MTSS2: variants seen among roughly 807,000 people sequenced by gnomAD.
MTSS2 encodes protein MTSS 2.
A neutral mutation model predicts 67.1 loss-of-function variants in MTSS2; 27 were observed. The observed-to-expected ratio is 0.40, with a 90% CI of 0.30 to 0.55. MTSS2 has a LOEUF of 0.55. MTSS2 is among the 20% of genes least tolerant of loss of function. The probability of loss-of-function intolerance (pLI) is 0.43; values close to 1 mark genes in which losing one functional copy is unlikely to be tolerated. For synonymous variants in MTSS2, 624 were observed against 468.6 expected (o/e 1.33, Z -4.28); for missense variants, 1,171 against 1,067.8 (o/e 1.10, Z -1.35).
intron 11 of MTSS2, among the ~76,000 whole-genome samples, chr16:70,669,398 G>C (rs1004825916): frequency 6.6e-6 from 1 of 152,212 alleles, no homozygotes; most frequent in South Asian, 2.1e-4. Context: ...GGTATGAAAA[G>C]GTAGCTGGGT....
chr16:70,680,895 G>C (rs753107288), intron 2 of MTSS2, 28 bp from the exon 3 acceptor site: 1 of 1,548,866 alleles, frequency 6.5e-7, no homozygotes, highest in African/African-American at 1.4e-5. Flanking sequence ...GGCATGGATG[G>C]TCGGTGGTTG....
At position 70,665,108 on chromosome 16, in the gene MTSS2, G is replaced by A; in HGVS notation, c.1129-12C>T. The A allele has an allele frequency of 1.3e-6, 2 of 1,585,836 alleles. No homozygotes were observed. The highest frequency in any genetic ancestry group is 1.7e-6 in the Non-Finnish European group (2 of 1,173,112). Reference sequence around the variant, plus strand: ...ACCTTGGACCAGTCCTGCAGGGAGGGTGTGGCAGGTCAGGGGGACCACTGG... The same window carrying A: ...ACCTTGGACCAGTCCTGCAGGGAGGATGTGGCAGGTCAGGGGGACCACTGG... On this transcript the variant is annotated splice_polypyrimidine_tract_variant and intron_variant, in intron 12 of 14. Coordinates refer to ENST00000338779, the MANE Select transcript of MTSS2 (RefSeq NM_138383.3).
intron 8 of MTSS2, 43 bp from the exon 9 acceptor site, chr16:70,677,942 C>A: frequency 7.0e-7 from 1 of 1,420,984 alleles, no homozygotes. Context: ...TATCGCCCAC[C>A]TGCCCGCCTG....
At chr16:70,667,411 C>T (rs1046028801) in intron 11 of MTSS2, among the ~76,000 whole-genome samples, 8 of 151,168 alleles carry the variant, frequency 5.3e-5, no homozygotes, top group African/African-American at 9.7e-5. Flanking sequence ...GAACAAAATC[C>T]GAAAAAGATC....
intron 11 of MTSS2, among the ~76,000 whole-genome samples, chr16:70,671,207 G>T (rs959297252): frequency 6.6e-6 from 1 of 151,846 alleles, no homozygotes; most frequent in Non-Finnish European, 1.5e-5. Flanking sequence ...TTGAGATTAG[G>T]AGTGATCCAA....
chr16:70,663,431 CGAA>C lies in MTSS2; in HGVS notation c.*243_*245del. On this transcript the variant is annotated 3_prime_UTR_variant, in exon 15 of 15. Transcript: ENST00000338779. ...GCCCCAGAGGAGGAAGAGGAGGGAC[CGAA>C]GAGCATAAAACAGACCCCGAACCAG... The C allele has an allele frequency of 1.6e-6, 1 of 609,696 alleles. No homozygotes were observed. Among genetic ancestry groups the C allele is most frequent in the Middle Eastern group, 4.5e-4 (1 of 2,220 alleles). 37.8% of individuals were successfully genotyped at this position (609,696 alleles called of 1,614,324 possible). A position where few individuals can be genotyped will look rare whatever the true frequency, so the allele number is the denominator to read the frequency against.
intron 1 of MTSS2, among the ~76,000 whole-genome samples, chr16:70,681,978 G>C (rs1242581077): frequency 1.3e-5 from 2 of 152,196 alleles, no homozygotes; most frequent in Admixed American, 6.5e-5. Context: ...AGGATGGGGC[G>C]ATGGAGGCTG....
chr16:70,665,165 T>G, intron 12 of MTSS2, 69 bp from the exon 13 acceptor site: 1 of 1,503,192 alleles, frequency 6.7e-7, no homozygotes, highest in East Asian at 2.3e-5. Flanking sequence ...GGCCCGTCAC[T>G]GTGGCTGAGG....
chr16:70,680,917 G>C (rs749131639), intron 2 of MTSS2, 47 bp downstream of exon 2: 2 of 1,168,108 alleles, frequency 1.7e-6, no homozygotes, highest in East Asian at 5.3e-5. Flanking sequence ...GCGGGGGGGG[G>C]GCCTCTGCCT....
In MTSS2 at chr16:70,663,188, G is replaced by A. The variant is rs906497003; in HGVS notation, c.*489C>T. 10 of 159,698 alleles carry A rather than the reference G, an allele frequency of 6.3e-5. No homozygotes were observed. Among genetic ancestry groups the A allele is most frequent in the Non-Finnish European group, 9.6e-5 (7 of 72,796 alleles). The allele number at this position is 159,698 out of a possible 1,614,324, so 9.9% of individuals were successfully genotyped here. ...GCGTGCACCTGGCCCCTCCACAGCC[G>A]CCCCGCCTCCTGGAGGGAGAGGGGC... On this transcript the variant is annotated 3_prime_UTR_variant, in exon 15 of 15. Transcript: ENST00000338779.
At chr16:70,674,233 G>C in intron 11 of MTSS2, 73 bp downstream of exon 11, 1 of 1,381,542 alleles carries the variant, frequency 7.2e-7, no homozygotes, top group Admixed American at 1.9e-5. Flanking sequence ...TAGTAGTCCC[G>C]CATGTGGCTT....
At chr16:70,677,288 C>T (rs1270842665) in intron 9 of MTSS2, among the ~76,000 whole-genome samples, 1 of 152,212 alleles carries the variant, frequency 6.6e-6, no homozygotes. Context: ...ACTCCTGTTC[C>T]TGTCTTAGAG....
chr16:70,676,817 G>A, intron 10 of MTSS2, 64 bp downstream of exon 10: 1 of 1,418,328 alleles, frequency 7.1e-7, no homozygotes, highest in Non-Finnish European at 9.9e-7. Flanking sequence ...ATTTTGCTGG[G>A]AACATCCCCA....
At chr16:70,673,966 A>G (rs1225093602) in intron 11 of MTSS2, among the ~76,000 whole-genome samples, 1 of 152,174 alleles carries the variant, frequency 6.6e-6, no homozygotes, top group Non-Finnish European at 1.5e-5. Context: ...CAGGACAAAT[A>G]GAAAGAAGAA....
chr16:70,672,658 C>T (rs2052980498), intron 11 of MTSS2, among the ~76,000 whole-genome samples: 2 of 145,530 alleles, frequency 1.4e-5, no homozygotes, highest in South Asian at 4.4e-4. Context: ...AAACAAAAAA[C>T]CCTCAGTGGG....
chr16:70,681,822 G>A (rs1402856006), intron 1 of MTSS2, among the ~76,000 whole-genome samples: 1 of 152,264 alleles, frequency 6.6e-6, no homozygotes, highest in Non-Finnish European at 1.5e-5. Flanking sequence ...TCTGATTTTG[G>A]GGCTTTTCTG....
rs2052518725 is a variant in MTSS2, at chr16:70,662,424, C to T, written c.*1253G>A. 6.6e-6 allele frequency: 1 copy of T among 152,326 alleles called. No homozygotes were observed. The highest frequency in any genetic ancestry group is 6.5e-5 in the Admixed American group (1 of 15,292). The allele number at this position is 152,326 out of a possible 1,614,324, so 9.4% of individuals were successfully genotyped here. A position where few individuals can be genotyped will look rare whatever the true frequency, so the allele number is the denominator to read the frequency against. ...CCTTGCCCCCGCTGCCACCACGAGC[C>T]TGGACTACAGTGGGGGCCGTGCTGG... On this transcript the variant is annotated 3_prime_UTR_variant, in exon 15 of 15. Coordinates refer to ENST00000338779, the MANE Select transcript of MTSS2 (RefSeq NM_138383.3).
At position 70,680,072 on chromosome 16, in the gene MTSS2, G is replaced by T. The variant is rs754236676; in HGVS notation, c.206-17C>A. The T allele has an allele frequency of 1.3e-6, 2 of 1,483,332 alleles. No individual in the cohort carries two copies. The highest frequency in any genetic ancestry group is 1.8e-6 in the Non-Finnish European group (2 of 1,123,396). 91.9% of individuals were successfully genotyped at this position (1,483,332 alleles called of 1,614,324 possible). ...TCGTGGCCCCTGGCGAGGCAAGCGC[G>T]GGGTGGGAAGGGGCCCGCTGGGGCC... On this transcript the variant is annotated splice_polypyrimidine_tract_variant and intron_variant, in intron 3 of 14. Coordinates refer to ENST00000338779, the MANE Select transcript of MTSS2 (RefSeq NM_138383.3).
In MTSS2 at chr16:70,664,913, A is replaced by C; in HGVS notation, c.1305+7T>G. 3 of 1,539,568 alleles carry C rather than the reference A, an allele frequency of 1.9e-6. No individual in the cohort carries two copies. Among genetic ancestry groups the C allele is most frequent in the Non-Finnish European group, 2.6e-6 (3 of 1,147,494 alleles). On this transcript the variant is annotated splice_region_variant and intron_variant, in intron 13 of 14. Transcript: ENST00000338779. ...CTGGGCGTGAAGGGGGGCCCTGGCC[A>C]GCCTACCTTGGCTGCGATGGTGGCA...
Sources: allele counts gnomAD v4.1 joint callset (sites outside exome capture counted in the v4.1 genomes callset), GRCh38; gene constraint gnomAD v4.1.1; transcripts MANE v1.5; gene names NCBI Gene and HGNC (gene_info 2026-07-23, HGNC 2026-07-21).